Variants in ALK observed in about 807,000 individuals in gnomAD.
ALK encodes the protein ALK tyrosine kinase receptor.
A neutral mutation model predicts 163.1 loss-of-function variants in ALK; 74 were observed. The observed-to-expected ratio is 0.45, with a 90% CI of 0.38 to 0.55. The LOEUF (loss-of-function observed/expected upper bound fraction) is 0.55, where lower values mean the gene tolerates loss of function less well. Ranked by LOEUF, ALK falls within the 20% of genes least tolerant of loss-of-function variation. The pLI is 0.00. For missense variants in ALK, 2,063 were observed against 2,105.3 expected (o/e 0.98, Z 0.39); for synonymous variants, 960 against 843.2 (o/e 1.14, Z -2.40).
At chr2:29,396,059 A>C (rs941157711) in intron 4 of ALK, among the ~76,000 whole-genome samples, 1 of 152,036 alleles carries the variant, frequency 6.6e-6, no homozygotes, top group Non-Finnish European at 1.5e-5. Flanking sequence ...TGTTGTGATG[A>C]GTGAGGAGAG....
intron 3 of ALK, among the ~76,000 whole-genome samples, chr2:29,644,166 C>T (rs2148248011): frequency 6.8e-6 from 1 of 146,334 alleles, no homozygotes; most frequent in South Asian, 2.1e-4. Context: ...CCAAACACCG[C>T]ATATTCTCAC....
chr2:29,908,309 CAT>C (rs1249463147), intron 1 of ALK, among the ~76,000 whole-genome samples: 2 of 139,538 alleles, frequency 1.4e-5, no homozygotes, highest in Non-Finnish European at 3.2e-5. Context: ...CACACACACA[CAT>C]TGTCTATCTG....
chr2:29,735,076 T>C (rs1008612937), intron 1 of ALK, among the ~76,000 whole-genome samples: 6 of 152,196 alleles, frequency 3.9e-5, no homozygotes, highest in African/African-American at 1.4e-4. Flanking sequence ...GTTTTGCATA[T>C]GAAGAAATTA....
chr2:29,537,392 C>G (rs1308873268), intron 3 of ALK, among the ~76,000 whole-genome samples: 1 of 152,192 alleles, frequency 6.6e-6, no homozygotes, highest in Non-Finnish European at 1.5e-5. Context: ...AGCCATGGCT[C>G]AAAAGGGCCC....
At chr2:29,325,519 G>A (rs913390906) in intron 6 of ALK, among the ~76,000 whole-genome samples, 5 of 152,200 alleles carry the variant, frequency 3.3e-5, no homozygotes, top group African/African-American at 1.2e-4. Flanking sequence ...GAGAAAGGCG[G>A]TAGCAGGGCC....
chr2:29,675,057 T>C (rs962507191), intron 3 of ALK, among the ~76,000 whole-genome samples: 60 of 152,070 alleles, frequency 3.9e-4, no homozygotes, highest in African/African-American at 1.4e-3. Flanking sequence ...TATTTGATTC[T>C]TCTCTCTTTT....
At chr2:29,704,266 C>A (rs1451369073) in intron 2 of ALK, among the ~76,000 whole-genome samples, 1 of 152,174 alleles carries the variant, frequency 6.6e-6, no homozygotes, top group African/African-American at 2.4e-5. Context: ...CAAGGGAACT[C>A]TCTCAGTGGC....
At chr2:29,578,065 T>C (rs1468622276) in intron 3 of ALK, among the ~76,000 whole-genome samples, 1 of 151,720 alleles carries the variant, frequency 6.6e-6, no homozygotes, top group Non-Finnish European at 1.5e-5. Flanking sequence ...AAATCGCATC[T>C]TGAATTCCCA....
Position 29,362,836 on chromosome 2 carries a change from CCAAACAAACAAATGAA to C in ALK, c.1282+20880_1282+20895del, listed in dbSNP as rs372846607. Among the ~76,000 whole-genome samples, 789 of 152,254 alleles carry C rather than the reference CCAAACAAACAAATGAA, an allele frequency of 5.2e-3. 13 individuals carry two copies. Among genetic ancestry groups the C allele is most frequent in the African/African-American group, 0.018 (760 of 41,536 alleles). The stretch of plus-strand genomic sequence containing the variant: ...CAAATAGCAGGTACAATCCCCACTC[CCAAACAAACAAATGAA>C]CAAACAAACAAACAGAAAAAACATT... On this transcript the variant is annotated intron_variant, in intron 5 of 28. Transcript: ENST00000389048.
chr2:29,640,639 T>C (rs1171251726), intron 3 of ALK, among the ~76,000 whole-genome samples: 1 of 152,186 alleles, frequency 6.6e-6, no homozygotes, highest in African/African-American at 2.4e-5. Flanking sequence ...CAGTCTTAGG[T>C]ATTTCTTTAG....
At chr2:29,487,195 C>A (rs1183947806) in intron 4 of ALK, among the ~76,000 whole-genome samples, 1 of 152,126 alleles carries the variant, frequency 6.6e-6, no homozygotes, top group African/African-American at 2.4e-5. Flanking sequence ...CTAAGAATTG[C>A]CAGTTTGGGA....
intron 4 of ALK, among the ~76,000 whole-genome samples, chr2:29,515,417 T>C (rs1203925474): frequency 6.6e-6 from 1 of 152,126 alleles, no homozygotes; most frequent in East Asian, 1.9e-4. Context: ...CTAGCTAATT[T>C]CCCTGCACAT....
At chr2:29,242,935 A>T (rs1037164707) in intron 12 of ALK, among the ~76,000 whole-genome samples, 1 of 152,230 alleles carries the variant, frequency 6.6e-6, no homozygotes, top group African/African-American at 2.4e-5. Context: ...GCTTAAAGTC[A>T]GGGGGAGCAG....
intron 3 of ALK, among the ~76,000 whole-genome samples, chr2:29,592,726 A>G (rs1237822090): frequency 6.6e-6 from 1 of 152,214 alleles, no homozygotes; most frequent in Non-Finnish European, 1.5e-5. Context: ...TTGTGTGGTA[A>G]CAGCGTCTTT....
chr2:29,769,495 C>T (rs535604802), intron 1 of ALK, among the ~76,000 whole-genome samples: 1 of 152,274 alleles, frequency 6.6e-6, no homozygotes, highest in Non-Finnish European at 1.5e-5. Context: ...CTATAAGCTC[C>T]TTGAGGGCAC....
chr2:29,675,043 C>A (rs550646784), intron 3 of ALK, among the ~76,000 whole-genome samples: 3 of 151,238 alleles, frequency 2.0e-5, no homozygotes, highest in Non-Finnish European at 4.4e-5. Flanking sequence ...TTTTTTATTG[C>A]GTCTATTTGA....
intron 4 of ALK, among the ~76,000 whole-genome samples, chr2:29,527,215 A>G (rs1423744745): frequency 3.3e-5 from 5 of 152,240 alleles, no homozygotes; most frequent in African/African-American, 7.2e-5. Context: ...GATGGCCACA[A>G]ATCAATATCT....
At chr2:29,544,917 C>T (rs1673514569) in intron 3 of ALK, among the ~76,000 whole-genome samples, 1 of 152,148 alleles carries the variant, frequency 6.6e-6, no homozygotes, top group South Asian at 2.1e-4. Context: ...TCAGGACTTG[C>T]CCAAGGTCAC....
At chr2:29,427,056 A>AG in intron 4 of ALK, among the ~76,000 whole-genome samples, 1 of 150,570 alleles carries the variant, frequency 6.6e-6, no homozygotes, top group Non-Finnish European at 1.5e-5. Flanking sequence ...AAAAAAAAAA[A>AG]AAAAAAAAGC....
Sources: allele counts gnomAD v4.1 joint callset (sites outside exome capture counted in the v4.1 genomes callset), GRCh38; gene constraint gnomAD v4.1.1; transcripts MANE v1.5; gene names NCBI Gene and HGNC (gene_info 2026-07-23, HGNC 2026-07-21).